The following HERPUD2 variants were observed in gnomAD, a reference collection of about 807,000 sequenced individuals.
HERPUD2 encodes the protein homocysteine-responsive endoplasmic reticulum-resident ubiquitin-like domain member 2 protein.
A neutral mutation model predicts 49.9 loss-of-function variants in HERPUD2; 13 were observed. The observed-to-expected ratio is 0.26, with a 90% CI of 0.17 to 0.41. HERPUD2 has a LOEUF of 0.41. HERPUD2 is among the 10% of genes least tolerant of loss of function. The pLI is 1.00. For synonymous variants in HERPUD2, 172 were observed against 171.4 expected, an observed-to-expected ratio of 1.00 and a Z score of -0.03; for missense variants, 449 against 492.2, an observed-to-expected ratio of 0.91 and a Z score of 0.83.
At chr7:35,687,168 T>C (rs1488523031) in intron 2 of HERPUD2, among the ~76,000 whole-genome samples, 1 of 152,210 alleles carries the variant, frequency 6.6e-6, no homozygotes. Flanking sequence ...TTCATTCGTT[T>C]CTCAATTTAA....
intron 5 of HERPUD2, among the ~76,000 whole-genome samples, chr7:35,641,111 T>C (rs1007255791): frequency 6.6e-6 from 1 of 152,184 alleles, no homozygotes; most frequent in Admixed American, 6.5e-5. Context: ...ATGTTTTCTA[T>C]ATAAAGAACT....
chr7:35,653,817 G>A (rs531817624), intron 5 of HERPUD2, among the ~76,000 whole-genome samples: 6 of 152,262 alleles, frequency 3.9e-5, no homozygotes, highest in African/African-American at 1.4e-4. Flanking sequence ...TGACCATTGG[G>A]CCAAGGAAGA....
At chr7:35,680,879 C>G (rs1785874263) in intron 2 of HERPUD2, among the ~76,000 whole-genome samples, 1 of 152,200 alleles carries the variant, frequency 6.6e-6, no homozygotes, top group South Asian at 2.1e-4. Context: ...TTGCTTGTCA[C>G]TGTGTTCCCA....
intron 3 of HERPUD2, among the ~76,000 whole-genome samples, chr7:35,672,283 G>C (rs1184631008): frequency 6.6e-6 from 1 of 150,980 alleles, no homozygotes; most frequent in Non-Finnish European, 1.5e-5. Flanking sequence ...AAAAAAAAGA[G>C]GAAAGAAAGA....
chr7:35,635,559 T>TA (rs1784858537), intron 6 of HERPUD2, 101 bp from the exon 7 acceptor site: 11 of 923,784 alleles, frequency 1.2e-5, no homozygotes, highest in Non-Finnish European at 1.8e-5. Context: ...TTCATAAACC[T>TA]AATATGGAAT....
intron 2 of HERPUD2, among the ~76,000 whole-genome samples, chr7:35,686,276 C>T (rs534907173): frequency 9.2e-6 from 1 of 109,082 alleles, no homozygotes; most frequent in African/African-American, 3.6e-5. Flanking sequence ...ACAAACTCTG[C>T]CTCCCAGGTT....
At chr7:35,671,462 G>A (rs903413188) in intron 3 of HERPUD2, among the ~76,000 whole-genome samples, 4 of 152,036 alleles carry the variant, frequency 2.6e-5, no homozygotes, top group East Asian at 1.9e-4. Flanking sequence ...AATTTTCAAC[G>A]TCTCCCTTAG....
chr7:35,665,092 C>T (rs1018397231), intron 5 of HERPUD2, among the ~76,000 whole-genome samples: 2 of 152,178 alleles, frequency 1.3e-5, no homozygotes, highest in Non-Finnish European at 2.9e-5. Context: ...GGCAGTCTGT[C>T]TGTTCTCAGA....
At chr7:35,685,886 G>A (rs1786029619) in intron 2 of HERPUD2, among the ~76,000 whole-genome samples, 3 of 151,928 alleles carry the variant, frequency 2.0e-5, no homozygotes, top group Non-Finnish European at 2.9e-5. Flanking sequence ...GCTTGAACCT[G>A]GGAGGCGGAG....
At chr7:35,652,210 C>T (rs1485228100) in intron 5 of HERPUD2, among the ~76,000 whole-genome samples, 2 of 152,220 alleles carry the variant, frequency 1.3e-5, no homozygotes, top group African/African-American at 4.8e-5. Context: ...CACCACGGTG[C>T]GCTCAGTCCT....
intron 2 of HERPUD2, among the ~76,000 whole-genome samples, chr7:35,677,888 T>TTG (rs1785800517): frequency 6.6e-6 from 1 of 152,192 alleles, no homozygotes; most frequent in Non-Finnish European, 1.5e-5. Context: ...GCTAAGAAAC[T>TTG]TATACAAGAT....
At chr7:35,692,298 C>T (rs1407245319) in intron 2 of HERPUD2, among the ~76,000 whole-genome samples, 2 of 131,922 alleles carry the variant, frequency 1.5e-5, no homozygotes, top group Non-Finnish European at 3.1e-5. Context: ...TTCCCACTCC[C>T]GTCTCAGGTA....
rs542355346 is a variant in HERPUD2 at position 35,682,187 on chromosome 7, C to T, written c.148-8909G>A. ...CTGAGTAGCTGGGACTACAGGCATG[C>T]GTTATCACGCCTGGCTAATTTTTGT... On this transcript the variant is annotated intron_variant, in intron 2 of 8. Coordinates refer to ENST00000311350, the MANE Select transcript of HERPUD2 (RefSeq NM_022373.5). Among the ~76,000 whole-genome samples the T allele has an allele frequency of 1.1e-3, 164 of 149,594 alleles. 2 individuals are homozygous for T. Among genetic ancestry groups the T allele is most frequent in the African/African-American group, 4.1e-3 (163 of 40,210 alleles).
intron 5 of HERPUD2, among the ~76,000 whole-genome samples, chr7:35,657,973 CA>C (rs1326688968): frequency 1.3e-5 from 2 of 151,866 alleles, no homozygotes; most frequent in Non-Finnish European, 2.9e-5. Context: ...TATGATCCAG[CA>C]ATCCCACTAC....
intron 6 of HERPUD2, among the ~76,000 whole-genome samples, chr7:35,637,213 T>G (rs1784886926): frequency 6.8e-6 from 1 of 147,768 alleles, no homozygotes; most frequent in African/African-American, 2.5e-5. Flanking sequence ...ATAAAAGAAA[T>G]GTAACCCAGC....
chr7:35,648,603 G>A (rs2115868709), intron 5 of HERPUD2, among the ~76,000 whole-genome samples: 1 of 152,308 alleles, frequency 6.6e-6, no homozygotes, highest in East Asian at 1.9e-4. Flanking sequence ...GTGGCCATGT[G>A]ATTGCTTTGG....
At position 35,635,361 on chromosome 7, in the gene HERPUD2, GTTC is replaced by G. The variant is rs1784854808; in HGVS notation, c.712_714del (p.Glu238del). The G allele has an allele frequency of 6.2e-7, 1 of 1,613,926 alleles. No homozygotes were observed. The highest frequency in any genetic ancestry group is 8.5e-7 in the Non-Finnish European group (1 of 1,180,004). The stretch of plus-strand genomic sequence containing the variant: ...GCCACTAGGTTTGGAGCTGGTGGGG[GTTC>G]TTCTCCAGGAACATGTGCCAAATTT... On this transcript the variant is annotated inframe_deletion, in exon 7 of 9. Coordinates refer to ENST00000311350, the MANE Select transcript of HERPUD2 (RefSeq NM_022373.5).
chr7:35,671,250 T>C (rs1385003474), intron 3 of HERPUD2, among the ~76,000 whole-genome samples: 2 of 152,052 alleles, frequency 1.3e-5, no homozygotes, highest in African/African-American at 4.8e-5. Flanking sequence ...GCTCATGATA[T>C]TGTTAAGAGG....
chr7:35,681,358 C>T (rs1785887252), intron 2 of HERPUD2, among the ~76,000 whole-genome samples: 1 of 152,106 alleles, frequency 6.6e-6, no homozygotes, highest in South Asian at 2.1e-4. Context: ...TCCTACATTG[C>T]TGGTAGGAAT....
Sources: allele counts gnomAD v4.1 joint callset (sites outside exome capture counted in the v4.1 genomes callset), GRCh38; gene constraint gnomAD v4.1.1; transcripts MANE v1.5; gene names NCBI Gene and HGNC (gene_info 2026-07-23, HGNC 2026-07-21).